The following PLCH1 variants were observed in gnomAD, a reference collection of about 807,000 sequenced individuals.
PLCH1 encodes the protein phospholipase C eta 1.
Under a neutral mutation model 126.7 loss-of-function variants are expected in PLCH1, and 60 were observed. The observed-to-expected ratio is 0.47, with a 90% CI of 0.38 to 0.59. PLCH1 has a LOEUF of 0.59. Among genes scored for constraint, PLCH1 ranks in the 20% least tolerant of loss-of-function variants. PLCH1 has a pLI of 0.00. For synonymous variants in PLCH1, 719 were observed against 734.9 expected (o/e 0.98, Z 0.35); for missense variants, 1,723 against 2,040.0 (o/e 0.84, Z 2.99).
At chr3:155,454,639 C>T (rs1233832656) in intron 21 of PLCH1, among the ~76,000 whole-genome samples, 1 of 152,204 alleles carries the variant, frequency 6.6e-6, no homozygotes, top group Non-Finnish European at 1.5e-5. Context: ...ATTTTAGCCC[C>T]AGCTCTTCAG....
chr3:155,475,075 TAA>T (rs56659245), downstream of PLCH1, among the ~76,000 whole-genome samples: 32 of 139,124 alleles, frequency 2.3e-4, no homozygotes, highest in Non-Finnish European at 3.3e-4. Flanking sequence ...CTTAAAGTAT[TAA>T]AAAAAAAAAA....
rs764182448 is a variant in PLCH1, at chr3:155,596,383, A to C, written c.80-5T>G. ...TCACACTCATGCATCTTTCAACTGCAAAAGAAATTAGAGTGTATCCAGCTA... is the reference window on the plus strand; with the variant it reads ...TCACACTCATGCATCTTTCAACTGCCAAAGAAATTAGAGTGTATCCAGCTA... On this transcript the variant is annotated splice_region_variant and splice_polypyrimidine_tract_variant and intron_variant, in intron 2 of 22. Coordinates refer to ENST00000460012, the MANE Select transcript of PLCH1 (RefSeq NM_014996.4). 1.2e-6 allele frequency: 2 copies of C among 1,610,474 alleles called. No individual in the cohort carries two copies. Among genetic ancestry groups the C allele is most frequent in the Admixed American group, 3.4e-5 (2 of 59,632 alleles).
chr3:155,571,129 C>G (rs1729168005), intron 6 of PLCH1, among the ~76,000 whole-genome samples: 1 of 152,058 alleles, frequency 6.6e-6, no homozygotes, highest in African/African-American at 2.4e-5. Context: ...GCAAAACTTT[C>G]CCTGTGAATG....
intron 10 of PLCH1, among the ~76,000 whole-genome samples, chr3:155,547,197 AAAAC>A (rs1185100188): frequency 1.3e-5 from 2 of 148,384 alleles, no homozygotes; most frequent in Non-Finnish European, 3.0e-5. Flanking sequence ...TTACAAGAAA[AAAAC>A]AAACAACCCC....
chr3:155,481,950 T>G lies in PLCH1; in HGVS notation c.4076A>C (p.Glu1359Ala). Residue 1359 changes from glutamate (E) to alanine (A), a missense_variant, in exon 23 of 23, where the codon GAA becomes GCA. Physicochemically the swap from Glu to Ala is moderately radical, Grantham distance 107. Around this residue, in one of 2 missense-constraint regions of PLCH1, gnomAD observed 947 missense variants for 977.1 expected, o/e 0.97. Coordinates refer to ENST00000460012, the MANE Select transcript of PLCH1 (RefSeq NM_014996.4). The surrounding 1 kb of genome is among the most constrained non-coding windows in gnomAD (Gnocchi z 4.2). ...SSLVEIDGES[E>A]NLSLTTCEYR... ...TTCACAGGTTGTTAGAGAAAGATTTTCTGATTCTCCATCAATTTCCACAAG... is the reference window on the plus strand; with the variant it reads ...TTCACAGGTTGTTAGAGAAAGATTTGCTGATTCTCCATCAATTTCCACAAG... 1 of 1,614,202 alleles carries G rather than the reference T, an allele frequency of 6.2e-7. No homozygotes were observed. The highest frequency in any genetic ancestry group is 8.5e-7 in the Non-Finnish European group (1 of 1,180,036).
intron 1 of PLCH1, among the ~76,000 whole-genome samples, chr3:155,715,347 G>A (rs1399149543): frequency 6.6e-6 from 1 of 151,986 alleles, no homozygotes; most frequent in Admixed American, 6.6e-5. Flanking sequence ...TGTCATCCAA[G>A]CTGGTGGGCA....
At chr3:155,531,034 G>C (rs537997107) in intron 10 of PLCH1, among the ~76,000 whole-genome samples, 1 of 152,248 alleles carries the variant, frequency 6.6e-6, no homozygotes, top group African/African-American at 2.4e-5. Context: ...CTGAGCAGTA[G>C]GTCTCAATAG....
chr3:155,707,518 G>A (rs775464974), intron 1 of PLCH1, among the ~76,000 whole-genome samples: 7 of 152,042 alleles, frequency 4.6e-5, no homozygotes, highest in South Asian at 2.1e-4. Context: ...GCAAAACTCC[G>A]TCTCTACTAA....
At chr3:155,518,238 AG>A (rs1720617307) in intron 11 of PLCH1, among the ~76,000 whole-genome samples, 1 of 152,230 alleles carries the variant, frequency 6.6e-6, no homozygotes, top group African/African-American at 2.4e-5. Flanking sequence ...CCCACAAATA[AG>A]GGGGAGACTG....
intron 12 of PLCH1, among the ~76,000 whole-genome samples, chr3:155,505,233 A>T (rs1718482601): frequency 6.6e-6 from 1 of 152,216 alleles, no homozygotes; most frequent in Non-Finnish European, 1.5e-5. Context: ...TGAGCACTGG[A>T]AAGAGGTATT....
At chr3:155,625,702 G>A (rs529979303) in intron 2 of PLCH1, among the ~76,000 whole-genome samples, 9 of 152,220 alleles carry the variant, frequency 5.9e-5, no homozygotes, top group South Asian at 2.1e-4. Flanking sequence ...TTAGAATGGC[G>A]ATCATTAAAA....
intron 21 of PLCH1, chr3:155,457,180 T>G (rs1712468827): frequency 6.6e-6 from 1 of 152,040 alleles, no homozygotes; most frequent in Non-Finnish European, 1.5e-5. Context: ...GGAAAAAGAG[T>G]GATGGCCAAA....
chr3:155,525,041 TG>T (rs1482522153), intron 10 of PLCH1, among the ~76,000 whole-genome samples: 1 of 152,000 alleles, frequency 6.6e-6, no homozygotes, highest in Non-Finnish European at 1.5e-5. Flanking sequence ...ATGACTTGGC[TG>T]GGCACAAAAG....
At chr3:155,548,153 T>C (rs930457313) in intron 10 of PLCH1, among the ~76,000 whole-genome samples, 4 of 152,192 alleles carry the variant, frequency 2.6e-5, no homozygotes, top group Admixed American at 2.6e-4. Context: ...GTGTAACAGT[T>C]GTAATAATAA....
chr3:155,603,960 C>G, intron 2 of PLCH1, among the ~76,000 whole-genome samples: 1 of 151,942 alleles, frequency 6.6e-6, no homozygotes, highest in East Asian at 1.9e-4. Flanking sequence ...TTAACCAGGT[C>G]TCGTGGCACA....
chr3:155,741,186 C>T (rs753294828), intron 1 of PLCH1, among the ~76,000 whole-genome samples: 27 of 152,302 alleles, frequency 1.8e-4, no homozygotes, highest in Non-Finnish European at 3.5e-4. Context: ...AAAATGGTCA[C>T]GGGTGTCAAA....
At chr3:155,561,362 C>CT (rs1727586152) in intron 8 of PLCH1, among the ~76,000 whole-genome samples, 1 of 150,094 alleles carries the variant, frequency 6.7e-6, no homozygotes, top group Non-Finnish European at 1.5e-5. Context: ...CAATTCCCAC[C>CT]TATGAGTGAG....
At chr3:155,493,943 C>T (rs1333555351) in intron 17 of PLCH1, among the ~76,000 whole-genome samples, 198 bp downstream of exon 17, 9 of 152,112 alleles carry the variant, frequency 5.9e-5, no homozygotes, top group African/African-American at 1.2e-4. Flanking sequence ...CTAAACATCA[C>T]GGCTAACCAA....
intron 10 of PLCH1, among the ~76,000 whole-genome samples, chr3:155,525,897 T>C (rs1273443679): frequency 6.6e-6 from 1 of 152,206 alleles, no homozygotes; most frequent in African/African-American, 2.4e-5. Flanking sequence ...ATAACAGTAC[T>C]ATGAGGGAAA....
Sources: allele counts gnomAD v4.1 joint callset (sites outside exome capture counted in the v4.1 genomes callset), GRCh38; gene constraint gnomAD v4.1.1; regional missense constraint gnomAD v4.1.1; non-coding constraint Gnocchi (gnomAD v3.1); transcripts MANE v1.5; gene names NCBI Gene and HGNC (gene_info 2026-07-23, HGNC 2026-07-21).